The following KCNH1 variants were observed in gnomAD, a reference collection of about 807,000 sequenced individuals.
KCNH1 encodes the protein voltage-gated delayed rectifier potassium channel KCNH1.
A neutral mutation model predicts 69.2 loss-of-function variants in KCNH1; 27 were observed. The observed-to-expected ratio is 0.39, with a 90% CI of 0.29 to 0.54. The LOEUF (loss-of-function observed/expected upper bound fraction) is 0.54. KCNH1 is among the 20% of genes least tolerant of loss of function. The probability of loss-of-function intolerance (pLI) is 0.68; values close to 1 mark genes in which losing one functional copy is unlikely to be tolerated. For missense variants in KCNH1, 798 were observed against 1,261.6 expected, an observed-to-expected ratio of 0.63 and a Z score of 5.57; for synonymous variants, 456 against 487.7, an observed-to-expected ratio of 0.93 and a Z score of 0.86.
At chr1:210,902,392 G>A (rs1326696877) in intron 7 of KCNH1, among the ~76,000 whole-genome samples, 1 of 152,224 alleles carries the variant, frequency 6.6e-6, no homozygotes, top group African/African-American at 2.4e-5. Context: ...GTCTCTATTT[G>A]CATGAGCAGA....
chr1:211,045,929 T>G (rs1477324256), intron 5 of KCNH1, among the ~76,000 whole-genome samples: 1 of 152,220 alleles, frequency 6.6e-6, no homozygotes, highest in Admixed American at 6.5e-5. Context: ...AGAGCTATCA[T>G]GCAGCATTTG....
At chr1:210,810,434 C>G (rs1684679200) in intron 7 of KCNH1, among the ~76,000 whole-genome samples, 1 of 152,104 alleles carries the variant, frequency 6.6e-6, no homozygotes, top group Admixed American at 6.5e-5. Flanking sequence ...CACTTCATTT[C>G]AAGAAAATTT....
intron 7 of KCNH1, chr1:210,862,222 G>T: frequency 8.7e-7 from 1 of 1,155,678 alleles, no homozygotes; most frequent in Non-Finnish European, 1.3e-6. Flanking sequence ...GCGCTCCATG[G>T]CCTCTTGCAG....
chr1:210,977,367 AC>A (rs1218503382), intron 6 of KCNH1, among the ~76,000 whole-genome samples: 1 of 152,114 alleles, frequency 6.6e-6, no homozygotes, highest in East Asian at 1.9e-4. Context: ...TGGGTGCAGC[AC>A]ACCAACATGG....
chr1:210,812,755 A>G (rs1684733733), intron 7 of KCNH1, among the ~76,000 whole-genome samples: 2 of 152,204 alleles, frequency 1.3e-5, no homozygotes, highest in Admixed American at 6.5e-5. Flanking sequence ...AATGAGATAG[A>G]GCAAATAGAG....
intron 10 of KCNH1, among the ~76,000 whole-genome samples, chr1:210,700,969 G>A (rs890994389): frequency 6.6e-5 from 10 of 151,268 alleles, no homozygotes; most frequent in African/African-American, 1.7e-4. Context: ...ATGGAGTTTC[G>A]CTCTGTCGCC....
chr1:211,118,917 C>T lies in KCNH1; in HGVS notation c.80-11540G>A, dbSNP rs1265907812. On this transcript the variant is annotated intron_variant, in intron 1 of 10. Coordinates refer to ENST00000271751, the MANE Select transcript of KCNH1 (RefSeq NM_172362.3). The stretch of plus-strand genomic sequence containing the variant: ...CGCAGTTCACACAAGTGTACTGTTC[C>T]CTGCCAACACTGGTTATTTGGAGGG... Among the ~76,000 whole-genome samples, 4 of 152,158 alleles carry T rather than the reference C, an allele frequency of 2.6e-5. No homozygotes were observed. In the East Asian group the frequency reaches 7.7e-4, roughly 29 times the overall value.
At chr1:210,906,410 C>CA (rs1475810182) in intron 7 of KCNH1, among the ~76,000 whole-genome samples, 3 of 152,262 alleles carry the variant, frequency 2.0e-5, no homozygotes, top group South Asian at 4.2e-4. Flanking sequence ...GCAGATATCA[C>CA]GGTTCAACAC....
intron 4 of KCNH1, among the ~76,000 whole-genome samples, chr1:211,087,942 G>A (rs1414288684): frequency 6.6e-6 from 1 of 152,100 alleles, no homozygotes; most frequent in East Asian, 1.9e-4. Flanking sequence ...TCCTGAAATA[G>A]GCTACTGTCA....
intron 7 of KCNH1, among the ~76,000 whole-genome samples, chr1:210,863,389 C>G (rs760343865): frequency 1.3e-5 from 2 of 152,196 alleles, no homozygotes; most frequent in Non-Finnish European, 2.9e-5. Flanking sequence ...ATTACTAGCT[C>G]TTGAGTACAA....
intron 7 of KCNH1, among the ~76,000 whole-genome samples, chr1:210,846,703 T>C (rs544743318): frequency 2.0e-5 from 3 of 152,114 alleles, no homozygotes; most frequent in African/African-American, 7.2e-5. Flanking sequence ...CCAAAAGCAA[T>C]GGCAACAAAA....
chr1:210,923,124 G>A (rs1241240252), intron 6 of KCNH1, among the ~76,000 whole-genome samples: 1 of 152,130 alleles, frequency 6.6e-6, no homozygotes, highest in Non-Finnish European at 1.5e-5. Context: ...CCTGGAATAT[G>A]GAATAGGGAG....
At chr1:211,086,569 C>T (rs950005504) in intron 4 of KCNH1, among the ~76,000 whole-genome samples, 2 of 152,126 alleles carry the variant, frequency 1.3e-5, no homozygotes, top group Non-Finnish European at 2.9e-5. Context: ...AGGAGGGGAA[C>T]ATAGTACACA....
chr1:210,757,367 G>A (rs566654017), intron 10 of KCNH1, among the ~76,000 whole-genome samples: 6 of 152,264 alleles, frequency 3.9e-5, no homozygotes, highest in Non-Finnish European at 7.4e-5. Flanking sequence ...TTCTAGTCAG[G>A]TAAATTCCTA....
chr1:210,704,949 C>T (rs1681871856), intron 10 of KCNH1, among the ~76,000 whole-genome samples: 2 of 152,144 alleles, frequency 1.3e-5, no homozygotes, highest in African/African-American at 2.4e-5. Context: ...GCTCTCCTTC[C>T]CTTCTCTGGG....
chr1:210,941,061 A>G (rs1482968553), intron 6 of KCNH1, among the ~76,000 whole-genome samples: 1 of 152,176 alleles, frequency 6.6e-6, no homozygotes, highest in Non-Finnish European at 1.5e-5. Context: ...GTACTGGTCC[A>G]CTTATCAGTC....
intron 10 of KCNH1, among the ~76,000 whole-genome samples, chr1:210,685,427 T>A (rs1352939145): frequency 6.6e-6 from 1 of 152,108 alleles, no homozygotes; most frequent in Non-Finnish European, 1.5e-5. Flanking sequence ...ACCCAAAACC[T>A]GTCCCAGGGA....
At chr1:211,104,583 G>T (rs1373368024) in intron 2 of KCNH1, among the ~76,000 whole-genome samples, 2 of 152,086 alleles carry the variant, frequency 1.3e-5, no homozygotes, top group Admixed American at 1.3e-4. Context: ...CAATTAAGTA[G>T]AATGAATAAT....
At chr1:210,936,743 G>C (rs964156556) in intron 6 of KCNH1, among the ~76,000 whole-genome samples, 2 of 152,098 alleles carry the variant, frequency 1.3e-5, no homozygotes, top group Non-Finnish European at 2.9e-5. Context: ...TGTCCATGAG[G>C]AAAAATCATT....
Sources: gnomAD v4.1 joint callset for allele counts (sites outside exome capture counted in the v4.1 genomes callset) on GRCh38, gnomAD v4.1.1 for gene constraint, MANE v1.5 for transcripts, NCBI Gene and HGNC (gene_info 2026-07-23, HGNC 2026-07-21) for gene names.